The following TCF12 variants were observed in gnomAD, a reference collection of about 807,000 sequenced individuals.
The protein encoded by TCF12 is transcription factor 12, also known as DNA-binding protein HTF4.
TCF12 carries 45 observed loss-of-function variants against 86.0 expected under a neutral mutation model. The ratio of observed to expected loss-of-function variants is 0.52; its 90% CI spans 0.41 to 0.67. The LOEUF is 0.67. TCF12 is among the 30% of genes least tolerant of loss of function. The probability of loss-of-function intolerance (pLI) is 0.00; values close to 1 mark genes in which losing one functional copy is unlikely to be tolerated. For missense variants in TCF12, 881 were observed against 859.9 expected, an observed-to-expected ratio of 1.02 and a Z score of -0.31; for synonymous variants, 330 against 299.6, an observed-to-expected ratio of 1.10 and a Z score of -1.05.
At chr15:56,920,899 T>C (rs1278463966) in intron 2 of TCF12, 127 bp from the exon 3 acceptor site, 5 of 614,544 alleles carry the variant, frequency 8.1e-6, no homozygotes, top group Non-Finnish European at 1.4e-5. Context: ...GATCTGAATG[T>C]ATCTCCAATT....
intron 20 of TCF12, among the ~76,000 whole-genome samples, chr15:57,285,280 A>G (rs1352277902): frequency 6.6e-6 from 1 of 152,210 alleles, no homozygotes; most frequent in Non-Finnish European, 1.5e-5. Flanking sequence ...ATTGCTGTGT[A>G]CCTAAACAAT....
rs765363497 is a variant in TCF12, at chr15:57,192,263, A to T, written c.496A>T (p.Arg166Trp). Residue 166 changes from arginine to tryptophan, a missense_variant, in exon 7 of 21, where the codon AGG becomes TGG. Arg to Trp is a moderately radical substitution (Grantham distance 101). Around this residue, in one of 3 missense-constraint regions of TCF12, gnomAD observed 766 missense variants for 718.9 expected, o/e 1.07. Coordinates refer to ENST00000333725, the MANE Select transcript of TCF12 (RefSeq NM_207037.2). ...TTCATTCTCTGCTACAAGTTCCAGGAGGAGACCACTCCATGACTCTGCAGC... is the reference window on the plus strand; with the variant it reads ...TTCATTCTCTGCTACAAGTTCCAGGTGGAGACCACTCCATGACTCTGCAGC... ...YYSFSATSSR[R>W]RPLHDSAALD... The T allele has an allele frequency of 1.2e-6, 2 of 1,614,046 alleles. No homozygotes were observed. Among genetic ancestry groups the T allele is most frequent in the Non-Finnish European group, 1.7e-6 (2 of 1,180,020 alleles).
At chr15:57,105,749 T>C (rs1188299202) in intron 5 of TCF12, among the ~76,000 whole-genome samples, 4 of 152,190 alleles carry the variant, frequency 2.6e-5, no homozygotes, top group African/African-American at 7.2e-5. Flanking sequence ...GTTTGGTCTT[T>C]ATTTATGCTC....
intron 11 of TCF12, among the ~76,000 whole-genome samples, chr15:57,233,088 G>T (rs188090735): frequency 6.7e-6 from 1 of 148,184 alleles, no homozygotes; most frequent in Non-Finnish European, 1.5e-5. Context: ...TTTTATATAT[G>T]TATATATAGG....
intron 3 of TCF12, among the ~76,000 whole-genome samples, chr15:56,956,474 ATT>A (rs1398402338): frequency 6.6e-6 from 1 of 152,104 alleles, no homozygotes; most frequent in Non-Finnish European, 1.5e-5. Context: ...TGGAGTTACC[ATT>A]CCATTGCTCC....
intron 5 of TCF12, among the ~76,000 whole-genome samples, chr15:57,157,763 A>C (rs1432211117): frequency 6.6e-6 from 1 of 151,910 alleles, no homozygotes; most frequent in Non-Finnish European, 1.5e-5. Context: ...GGGTTTCACT[A>C]TGTTGGCTAG....
chr15:57,041,567 G>C (rs1002566441), intron 3 of TCF12, among the ~76,000 whole-genome samples: 1 of 152,116 alleles, frequency 6.6e-6, no homozygotes, highest in East Asian at 1.9e-4. Context: ...CAAAGATCTA[G>C]AGCCACTGCC....
At chr15:57,206,718 C>A (rs966082479) in intron 8 of TCF12, among the ~76,000 whole-genome samples, 6 of 150,844 alleles carry the variant, frequency 4.0e-5, no homozygotes, top group Non-Finnish European at 1.5e-5. Context: ...CACTTGAACC[C>A]AGGAGGTGGA....
chr15:57,221,460 A>G (rs548385727), intron 8 of TCF12, among the ~76,000 whole-genome samples: 2 of 151,496 alleles, frequency 1.3e-5, no homozygotes, highest in East Asian at 3.9e-4. Context: ...CCTGAACCAG[A>G]CTAACTCAAA....
intron 8 of TCF12, among the ~76,000 whole-genome samples, chr15:57,214,955 AT>A (rs1293901908): frequency 6.6e-6 from 1 of 152,164 alleles, no homozygotes; most frequent in African/African-American, 2.4e-5. Context: ...TGCACTATTG[AT>A]TTTAGATCAA....
chr15:57,228,247 G>A (rs1486950651), intron 8 of TCF12, among the ~76,000 whole-genome samples: 1 of 152,014 alleles, frequency 6.6e-6, no homozygotes, highest in Non-Finnish European at 1.5e-5. Flanking sequence ...TCATAACATT[G>A]CATCTATGTT....
chr15:57,182,931 G>A (rs1197875503), intron 6 of TCF12, among the ~76,000 whole-genome samples: 1 of 152,100 alleles, frequency 6.6e-6, no homozygotes, highest in African/African-American at 2.4e-5. Flanking sequence ...TAGAAATGAT[G>A]CATGTTCCCG....
At chr15:57,241,973 CAG>C (rs1424435883) in intron 12 of TCF12, among the ~76,000 whole-genome samples, 1 of 151,798 alleles carries the variant, frequency 6.6e-6, no homozygotes, top group Admixed American at 6.6e-5. Context: ...GCCTGGGTAA[CAG>C]AGTAAGACTC....
At chr15:56,945,343 T>C (rs923396750) in intron 3 of TCF12, among the ~76,000 whole-genome samples, 21 of 152,180 alleles carry the variant, frequency 1.4e-4, no homozygotes, top group African/African-American at 5.1e-4. Flanking sequence ...ATTTCCAGTG[T>C]TCTTCATTTC....
chr15:56,970,915 A>G (rs1482749429), intron 3 of TCF12, among the ~76,000 whole-genome samples: 1 of 151,974 alleles, frequency 6.6e-6, no homozygotes, highest in Non-Finnish European at 1.5e-5. Flanking sequence ...TTAGCTGGGC[A>G]TGGCAGTCCA....
intron 3 of TCF12, among the ~76,000 whole-genome samples, chr15:56,935,402 A>G (rs1220698608): frequency 6.6e-6 from 1 of 152,094 alleles, no homozygotes; most frequent in Non-Finnish European, 1.5e-5. Context: ...ATACCTTCTC[A>G]CTGTGCCCTC....
chr15:57,186,931 A>G (rs978952817), intron 6 of TCF12, among the ~76,000 whole-genome samples: 11 of 152,208 alleles, frequency 7.2e-5, no homozygotes, highest in Non-Finnish European at 1.5e-5. Flanking sequence ...CAGTAATTCC[A>G]ACACTTTAGG....
At chr15:57,121,675 C>T (rs1211620219) in intron 5 of TCF12, among the ~76,000 whole-genome samples, 1 of 152,164 alleles carries the variant, frequency 6.6e-6, no homozygotes, top group African/African-American at 2.4e-5. Context: ...GAGAGCAACC[C>T]ATATCAGATG....
At chr15:57,282,966 G>A (rs1192902962) in intron 20 of TCF12, among the ~76,000 whole-genome samples, 2 of 152,158 alleles carry the variant, frequency 1.3e-5, no homozygotes, top group African/African-American at 4.8e-5. Context: ...ATTCAGAAAT[G>A]CTGACTATAT....
Sources: allele counts gnomAD v4.1 joint callset (sites outside exome capture counted in the v4.1 genomes callset), GRCh38; gene constraint gnomAD v4.1.1; regional missense constraint gnomAD v4.1.1; transcripts MANE v1.5; gene names NCBI Gene and HGNC (gene_info 2026-07-23, HGNC 2026-07-21).